Variants in RTL4 observed in about 807,000 individuals in gnomAD.
RTL4 encodes the protein retrotransposon Gag-like protein 4.
Under a neutral mutation model 5.3 loss-of-function variants are expected in RTL4, and 4 were observed. That is an observed-to-expected ratio of 0.75 (90% CI 0.37 to 1.72). RTL4 has a LOEUF of 1.72. RTL4 is among the 40% of genes most tolerant of loss of function. The pLI is 0.04. For missense variants in RTL4, 260 were observed against 227.1 expected, an observed-to-expected ratio of 1.14 and a Z score of -0.93; for synonymous variants, 98 against 87.3, an observed-to-expected ratio of 1.12 and a Z score of -0.68.
At chrX:112,304,788 C>T in the RTL4 span, among the ~76,000 whole-genome samples, 1,162 of 108,348 alleles carry the variant, frequency 0.011, 15 homozygotes, top group Middle Eastern at 0.037. Flanking sequence ...AACCTCCTGA[C>T]CCACTCATTA....
the RTL4 span, among the ~76,000 whole-genome samples, chrX:112,363,544 G>A: frequency 1.8e-5 from 2 of 110,390 alleles, no homozygotes; most frequent in Non-Finnish European, 3.8e-5. Flanking sequence ...AGGACCAGTA[G>A]TAAGCTTCTG....
At chrX:112,316,295 A>G in the RTL4 span, among the ~76,000 whole-genome samples, 1 of 111,468 alleles carries the variant, frequency 9.0e-6, no homozygotes, top group South Asian at 3.8e-4. Context: ...CCTTCATAAA[A>G]CCTTAATGTG....
chrX:112,117,544 T>C, the RTL4 span, among the ~76,000 whole-genome samples: 1 of 111,573 alleles, frequency 9.0e-6, no homozygotes, highest in South Asian at 3.7e-4. Flanking sequence ...GTAAACAATC[T>C]TAATAAGCAA....
chrX:112,239,371 C>A, the RTL4 span, among the ~76,000 whole-genome samples: 1 of 110,994 alleles, frequency 9.0e-6, no homozygotes, highest in Non-Finnish European at 1.9e-5. Context: ...GCATTTCCAT[C>A]CACCCCATGG....
the RTL4 span, among the ~76,000 whole-genome samples, chrX:112,341,354 G>T: frequency 1.8e-5 from 2 of 111,910 alleles, no homozygotes; most frequent in African/African-American, 6.5e-5. Flanking sequence ...TCTTTAACCA[G>T]TTGTTTAGTC....
At chrX:112,099,016 A>T in the RTL4 span, among the ~76,000 whole-genome samples, 249 of 112,303 alleles carry the variant, frequency 2.2e-3, no homozygotes, top group African/African-American at 7.6e-3. Context: ...ATGGCAACAA[A>T]AGCCAAAATT....
At chrX:112,098,105 C>A in the RTL4 span, among the ~76,000 whole-genome samples, 2 of 96,672 alleles carry the variant, frequency 2.1e-5, no homozygotes, top group Admixed American at 1.1e-4. Context: ...GCTATCTCTC[C>A]CCCCTCCCCC....
At chrX:112,243,648 C>G in the RTL4 span, among the ~76,000 whole-genome samples, 1 of 111,489 alleles carries the variant, frequency 9.0e-6, no homozygotes, top group Non-Finnish European at 1.9e-5. Flanking sequence ...AAAAAACCAG[C>G]TCCTGGATTC....
the RTL4 span, among the ~76,000 whole-genome samples, chrX:112,395,506 G>T: frequency 2.6e-3 from 288 of 110,711 alleles, 1 homozygote; most frequent in East Asian, 5.6e-3. Context: ...TAATATTAAA[G>T]AACTCTTTAT....
the RTL4 span, among the ~76,000 whole-genome samples, chrX:112,115,212 C>T: frequency 4.5e-5 from 5 of 111,386 alleles, no homozygotes; most frequent in African/African-American, 9.8e-5. Context: ...AACCCCTCTC[C>T]GCTTAGACCA....
the RTL4 span, among the ~76,000 whole-genome samples, chrX:112,283,644 C>G: frequency 9.0e-6 from 1 of 111,152 alleles, no homozygotes; most frequent in South Asian, 3.8e-4. Flanking sequence ...AGCATCTACT[C>G]CTAACAGCAG....
At chrX:112,125,451 T>G in the RTL4 span, among the ~76,000 whole-genome samples, 1 of 111,940 alleles carries the variant, frequency 8.9e-6, no homozygotes. Context: ...AGCACCAAAG[T>G]GTCAATCATT....
the RTL4 span, among the ~76,000 whole-genome samples, chrX:112,096,395 T>A: frequency 9.0e-6 from 1 of 111,563 alleles, no homozygotes; most frequent in Non-Finnish European, 1.9e-5. Flanking sequence ...GTTTCAGTTA[T>A]ATGTGACCTA....
the RTL4 span, among the ~76,000 whole-genome samples, chrX:112,310,814 T>A: frequency 1.2e-5 from 1 of 86,133 alleles, no homozygotes; most frequent in Non-Finnish European, 2.1e-5. Flanking sequence ...TATTATATAT[T>A]ATATATATTA....
chrX:112,098,007 G>A, the RTL4 span, among the ~76,000 whole-genome samples: 70 of 111,148 alleles, frequency 6.3e-4, no homozygotes, highest in African/African-American at 1.7e-3. Flanking sequence ...TGTGCACAAC[G>A]TGCAGGTTAG....
the RTL4 span, among the ~76,000 whole-genome samples, chrX:112,347,889 T>C: frequency 9.0e-6 from 1 of 111,383 alleles, no homozygotes; most frequent in Admixed American, 9.6e-5. Context: ...ATTACAGGTT[T>C]GGCATCTAAG....
At chrX:112,085,937 T>C in the RTL4 span, among the ~76,000 whole-genome samples, 1 of 111,683 alleles carries the variant, frequency 9.0e-6, no homozygotes, top group Admixed American at 9.5e-5. Context: ...CTGGTTACCA[T>C]CAAATTCTTG....
chrX:112,101,801 A>G, the RTL4 span, among the ~76,000 whole-genome samples: 1 of 110,349 alleles, frequency 9.1e-6, no homozygotes, highest in South Asian at 3.9e-4. Context: ...ACAATGATGA[A>G]TGTCCTTATA....
chrX:112,425,508 C>T, the RTL4 span, among the ~76,000 whole-genome samples: 1 of 111,126 alleles, frequency 9.0e-6, no homozygotes, highest in African/African-American at 3.3e-5. Flanking sequence ...CACCAAACTG[C>T]CTTCCATAGG....
Sources: allele counts gnomAD v4.1 joint callset (sites outside exome capture counted in the v4.1 genomes callset), GRCh38; gene constraint gnomAD v4.1.1; transcripts MANE v1.5; gene names NCBI Gene and HGNC (gene_info 2026-07-23, HGNC 2026-07-21).